FUT8: variants seen among roughly 807,000 people sequenced by gnomAD.
FUT8 encodes the protein alpha-(1,6)-fucosyltransferase.
FUT8 carries 29 observed loss-of-function variants against 71.3 expected under a neutral mutation model. The observed-to-expected ratio is 0.41, with a 90% CI of 0.30 to 0.55. The LOEUF is 0.55. Among genes scored for constraint, FUT8 ranks in the 20% least tolerant of loss-of-function variants. The pLI, the probability that FUT8 is intolerant of heterozygous loss-of-function variation, is 0.34. For synonymous variants in FUT8, 254 were observed against 239.3 expected (o/e 1.06, Z -0.57); for missense variants, 544 against 702.1 (o/e 0.77, Z 2.55).
chr14:65,688,895 G>C (rs982867742), intron 7 of FUT8, among the ~76,000 whole-genome samples: 2 of 152,050 alleles, frequency 1.3e-5, no homozygotes, highest in Admixed American at 6.6e-5. Flanking sequence ...GTTTACCTTC[G>C]CATCGTGGAG....
At chr14:65,469,669 C>G (rs959123352) in intron 2 of FUT8, among the ~76,000 whole-genome samples, 5 of 152,174 alleles carry the variant, frequency 3.3e-5, no homozygotes, top group African/African-American at 4.8e-5. Context: ...ATCCAGTGTT[C>G]AGCTCTCAGC....
chr14:65,530,211 A>G (rs1161228233), intron 2 of FUT8, among the ~76,000 whole-genome samples: 1 of 152,108 alleles, frequency 6.6e-6, no homozygotes, highest in African/African-American at 2.4e-5. Context: ...ATGGCACTAG[A>G]TTCTATTAGG....
At chr14:65,702,785 C>A (rs1021705463) in intron 7 of FUT8, among the ~76,000 whole-genome samples, 2 of 151,622 alleles carry the variant, frequency 1.3e-5, no homozygotes, top group African/African-American at 4.8e-5. Context: ...TGTCGCCAGG[C>A]TGGAGTGCAG....
At chr14:65,738,732 G>A (rs773263392) in intron 10 of FUT8, among the ~76,000 whole-genome samples, 1 of 152,030 alleles carries the variant, frequency 6.6e-6, no homozygotes, top group South Asian at 2.1e-4. Context: ...GACTAAATGC[G>A]AACATTAACA....
the FUT8 span, among the ~76,000 whole-genome samples, chr14:65,375,960 G>A: frequency 2.0e-5 from 3 of 151,792 alleles, no homozygotes; most frequent in Admixed American, 6.6e-5. Flanking sequence ...GCATGGTGGC[G>A]CATGCCTGTA....
chr14:65,666,515 A>C (rs577861044), intron 6 of FUT8, among the ~76,000 whole-genome samples: 1 of 152,262 alleles, frequency 6.6e-6, no homozygotes, highest in South Asian at 2.1e-4. Flanking sequence ...ACCAATAACA[A>C]GTTCTGAAAT....
chr14:65,719,832 A>C (rs535254620), intron 7 of FUT8, among the ~76,000 whole-genome samples: 1 of 152,324 alleles, frequency 6.6e-6, no homozygotes, highest in East Asian at 1.9e-4. Context: ...CTGTGCTCCA[A>C]GCCTCTTGTA....
intron 2 of FUT8, among the ~76,000 whole-genome samples, chr14:65,522,618 G>A (rs533953875): frequency 2.0e-5 from 3 of 152,026 alleles, no homozygotes; most frequent in Admixed American, 1.3e-4. Flanking sequence ...ACATGTGCGC[G>A]ACGTGCAGGT....
intron 1 of FUT8, among the ~76,000 whole-genome samples, chr14:65,440,261 A>T (rs1032300973): frequency 2.0e-5 from 3 of 151,882 alleles, no homozygotes; most frequent in Non-Finnish European, 4.4e-5. Context: ...ATTTAGAGGA[A>T]TAAATTCTGG....
chr14:65,400,389 G>A, the FUT8 span, among the ~76,000 whole-genome samples: 1 of 152,172 alleles, frequency 6.6e-6, no homozygotes, highest in Non-Finnish European at 1.5e-5. Flanking sequence ...GGGTGTGTAT[G>A]TCATGTACCA....
chr14:65,637,227 A>G (rs1007361773), intron 6 of FUT8, among the ~76,000 whole-genome samples: 1 of 152,244 alleles, frequency 6.6e-6, no homozygotes, highest in African/African-American at 2.4e-5. Flanking sequence ...TTACCATAAT[A>G]TAAGTCATTT....
the FUT8 span, among the ~76,000 whole-genome samples, chr14:65,404,435 GT>G: frequency 1.3e-5 from 2 of 151,704 alleles, no homozygotes; most frequent in African/African-American, 4.8e-5. Context: ...GCCTCCCAAA[GT>G]GCTGGGATTA....
chr14:65,661,799 A>G (rs1891978439), intron 6 of FUT8, among the ~76,000 whole-genome samples: 1 of 152,224 alleles, frequency 6.6e-6, no homozygotes, highest in African/African-American at 2.4e-5. Context: ...TAGTTGATTG[A>G]AAATTGTTCT....
chr14:65,514,315 G>T (rs1314067614), intron 2 of FUT8, among the ~76,000 whole-genome samples: 1 of 152,112 alleles, frequency 6.6e-6, no homozygotes, highest in Non-Finnish European at 1.5e-5. Context: ...TGTCCTATCA[G>T]TGCTGCTGGC....
chr14:65,477,855 A>T (rs1159750421), intron 2 of FUT8, among the ~76,000 whole-genome samples: 1 of 151,120 alleles, frequency 6.6e-6, no homozygotes, highest in Non-Finnish European at 1.5e-5. Context: ...AGGGTTTGTG[A>T]TGTCTTTTTT....
intron 2 of FUT8, among the ~76,000 whole-genome samples, chr14:65,544,753 T>C (rs1884887142): frequency 6.6e-6 from 1 of 152,144 alleles, no homozygotes; most frequent in Non-Finnish European, 1.5e-5. Flanking sequence ...AGTGAATTAG[T>C]ATTTTGTATT....
chr14:65,736,897 A>G (rs2139397934), intron 10 of FUT8, among the ~76,000 whole-genome samples: 1 of 152,226 alleles, frequency 6.6e-6, no homozygotes, highest in East Asian at 1.9e-4. Context: ...AGTTTTATTC[A>G]TGTAAACTTT....
intron 1 of FUT8, among the ~76,000 whole-genome samples, chr14:65,439,985 T>TATATATATATATATATAC (rs2065626473): frequency 2.2e-5 from 3 of 137,166 alleles, no homozygotes; most frequent in Non-Finnish European, 4.7e-5. Flanking sequence ...TATATATATA[T>TATATATATATATATATAC]ATATATGTAC....
At chr14:65,357,526 C>A in the FUT8 span, among the ~76,000 whole-genome samples, 1 of 152,176 alleles carries the variant, frequency 6.6e-6, no homozygotes. Context: ...TGAGATACCC[C>A]CTTAATGGCC....
Sources: allele counts gnomAD v4.1 joint callset (sites outside exome capture counted in the v4.1 genomes callset), GRCh38; gene constraint gnomAD v4.1.1; transcripts MANE v1.5; gene names NCBI Gene and HGNC (gene_info 2026-07-23, HGNC 2026-07-21).